The following MPP1 variants were observed in gnomAD, a reference collection of about 807,000 sequenced individuals.
The protein encoded by MPP1 is 55 kDa erythrocyte membrane protein.
MPP1 carries 6 observed loss-of-function variants against 38.2 expected under a neutral mutation model. That is an observed-to-expected ratio of 0.16 (90% CI 0.09 to 0.31). The LOEUF is 0.31. MPP1 is among the 10% of genes least tolerant of loss of function. MPP1 has a pLI of 1.00. For missense variants in MPP1, 293 were observed against 368.9 expected (o/e 0.79, Z 1.69); for synonymous variants, 153 against 146.3 (o/e 1.05, Z -0.33).
chrX:154,781,369 G>GA (rs57003686), intron 10 of MPP1, 56 bp from the exon 11 acceptor site: 21,805 of 625,910 alleles, frequency 0.035, 10 homozygotes, highest in Non-Finnish European at 0.039. Context: ...AAAGGAAAGT[G>GA]AAAAAAAAAA....
chrX:154,782,752 T>C (rs1557266765), intron 9 of MPP1: 1 of 112,694 alleles, frequency 8.9e-6, no homozygotes, highest in Non-Finnish European at 1.9e-5. Flanking sequence ...TTAGTTCAAC[T>C]TCATTTCATT....
chrX:154,779,728 T>G (rs928580619), intron 11 of MPP1, among the ~76,000 whole-genome samples: 5 of 112,487 alleles, frequency 4.4e-5, no homozygotes, highest in African/African-American at 1.6e-4. Flanking sequence ...TGTTGTTTTG[T>G]TTTGTTTTGA....
At chrX:154,789,594 T>C (rs1247918181) in intron 5 of MPP1, among the ~76,000 whole-genome samples, 3 of 111,979 alleles carry the variant, frequency 2.7e-5, no homozygotes, top group Non-Finnish European at 5.6e-5. Flanking sequence ...CATTTGTAGT[T>C]TTCCTCCTGT....
At chrX:154,786,661 C>T (rs1310698716) in intron 5 of MPP1, among the ~76,000 whole-genome samples, 1 of 110,393 alleles carries the variant, frequency 9.1e-6, no homozygotes, top group African/African-American at 3.3e-5. Flanking sequence ...TTTGGGAGGC[C>T]GAGGCGGGTG....
chrX:154,803,745 C>T (rs1352407974), intron 1 of MPP1, among the ~76,000 whole-genome samples: 1 of 112,287 alleles, frequency 8.9e-6, no homozygotes, highest in African/African-American at 3.2e-5. Flanking sequence ...TTGTGGTTGT[C>T]GTTACATGAC....
At chrX:154,805,065 G>A (rs1557269019) in intron 1 of MPP1, among the ~76,000 whole-genome samples, 1 of 113,158 alleles carries the variant, frequency 8.8e-6, no homozygotes, top group East Asian at 2.8e-4. Context: ...GGACTGCTGG[G>A]GGCAAGGATC....
At chrX:154,785,991 A>G (rs1439620017) in intron 6 of MPP1, among the ~76,000 whole-genome samples, 1 of 111,910 alleles carries the variant, frequency 8.9e-6, no homozygotes, top group Non-Finnish European at 1.9e-5. Context: ...AGGCCCACAT[A>G]AGAATGAAGA....
In MPP1 at chrX:154,779,324, G is replaced by A; in HGVS notation, c.1254C>T (p.Asp418=). ...QTEALQQLQK[D]SEAIRSQYAH... is the part of the protein sequence containing the mutation. ...CGTACTGGCTGCGGATGGCCTCAGA[G>A]TCCTTCTGCAGCTGCTGCAGGGCTT... The change falls in exon 12 of 12, where the codon GAC becomes GAT. Residue 418 remains aspartate, a synonymous_variant. Coordinates refer to ENST00000369534, the MANE Select transcript of MPP1 (RefSeq NM_002436.4). The A allele has an allele frequency of 8.3e-7, 1 of 1,210,023 alleles. No individual in the cohort carries two copies. The highest frequency in any genetic ancestry group is 1.1e-6 in the Non-Finnish European group (1 of 894,954).
intron 1 of MPP1, among the ~76,000 whole-genome samples, chrX:154,798,760 C>G (rs1170475404): frequency 3.6e-5 from 4 of 111,183 alleles, no homozygotes; most frequent in Non-Finnish European, 7.5e-5. Context: ...TTGAGACAGA[C>G]TTTCACTCTT....
At chrX:154,798,988 C>T (rs1216419065) in intron 1 of MPP1, among the ~76,000 whole-genome samples, 1 of 111,795 alleles carries the variant, frequency 8.9e-6, no homozygotes, top group African/African-American at 3.3e-5. Flanking sequence ...CCCGCCTCGG[C>T]CTCCCAAAGT....
intron 5 of MPP1, among the ~76,000 whole-genome samples, chrX:154,788,664 T>C (rs1234865602): frequency 2.7e-5 from 3 of 112,256 alleles, no homozygotes; most frequent in African/African-American, 9.7e-5. Context: ...AAGAAAGGCA[T>C]AGATGTATCC....
At chrX:154,785,285 C>T in intron 6 of MPP1, 128 bp from the exon 7 acceptor site, 1 of 489,270 alleles carries the variant, frequency 2.0e-6, no homozygotes, top group Non-Finnish European at 3.3e-6. Flanking sequence ...ATAATGTGTG[C>T]AAAGCACCCC....
At chrX:154,798,984 T>A (rs1557268386) in intron 1 of MPP1, among the ~76,000 whole-genome samples, 1 of 111,760 alleles carries the variant, frequency 8.9e-6, no homozygotes, top group African/African-American at 3.3e-5. Flanking sequence ...TCCGCCCGCC[T>A]CGGCCTCCCA....
At chrX:154,780,376 A>G (rs1202399600) in intron 11 of MPP1, among the ~76,000 whole-genome samples, 1 of 112,849 alleles carries the variant, frequency 8.9e-6, no homozygotes, top group Non-Finnish European at 1.9e-5. Context: ...CAGAAAAATG[A>G]GCTAAGGGTA....
Position 154,786,419 on chromosome X carries a change from G to A in MPP1, c.481-19C>T. ...TGAACATCTAAAAAGAAGGTAAAAGGAACTGCAGGCGGCAGCTTCAAAAGA... is the reference window on the plus strand; with the variant it reads ...TGAACATCTAAAAAGAAGGTAAAAGAAACTGCAGGCGGCAGCTTCAAAAGA... On this transcript the variant is annotated intron_variant, in intron 5 of 11. Transcript: ENST00000369534. 8.4e-7 allele frequency: 1 copy of A among 1,192,913 alleles called. No individual in the cohort carries two copies. Among genetic ancestry groups the A allele is most frequent in the Non-Finnish European group, 1.1e-6 (1 of 881,751 alleles).
rs1557267191 is a variant in MPP1, at chrX:154,786,330, A to C, written c.551T>G (p.Leu184Arg). The C allele has an allele frequency of 2.5e-6, 3 of 1,211,674 alleles. No homozygotes were observed. The highest frequency in any genetic ancestry group is 2.2e-6 in the Non-Finnish European group (2 of 895,443). Residue 184 changes from leucine to arginine, a missense_variant, in exon 6 of 12, where the codon CTG becomes CGG. Transcript: ENST00000369534. ...GATAATGTCCCCAGTAGCAAACTTC[A>C]GTCCCGCCTCCTTGCAAGGGATCAG... ...DNLIPCKEAG[L>R]KFATGDIIQI...
At chrX:154,781,360 AAGGAAAGTGAAAAAAAAAAACCTACAT>A (rs782149359) in intron 10 of MPP1, 47 bp from the exon 11 acceptor site, 2 of 1,003,309 alleles carry the variant, frequency 2.0e-6, no homozygotes, top group Non-Finnish European at 2.8e-6. Context: ...GAAGGAAGAA[AAGGAAAGTGAAAAAAAAAAACCTACAT>A]AGCTGTCATA....
intron 1 of MPP1, chrX:154,799,652 G>A (rs2072239526): frequency 4.0e-6 from 4 of 1,000,183 alleles, no homozygotes; most frequent in Non-Finnish European, 5.3e-6. Context: ...AGCTATGGCA[G>A]GCCTGCCCCT....
intron 4 of MPP1, 68 bp downstream of exon 4, chrX:154,790,915 T>C: frequency 2.0e-6 from 2 of 996,146 alleles, no homozygotes; most frequent in Non-Finnish European, 2.8e-6. Context: ...ATGAGGTCAC[T>C]GATACCAATG....
Sources: gnomAD v4.1 joint callset for allele counts (sites outside exome capture counted in the v4.1 genomes callset) on GRCh38, gnomAD v4.1.1 for gene constraint, MANE v1.5 for transcripts, NCBI Gene and HGNC (gene_info 2026-07-23, HGNC 2026-07-21) for gene names.